Variants in FAM193A observed in about 807,000 individuals in gnomAD.
FAM193A encodes the protein protein FAM193A.
FAM193A carries 22 observed loss-of-function variants against 126.5 expected under a neutral mutation model. The ratio of observed to expected loss-of-function variants is 0.17; its 90% CI spans 0.12 to 0.25. The LOEUF (loss-of-function observed/expected upper bound fraction) is 0.25, where lower values mean the gene tolerates loss of function less well. FAM193A is among the 10% of genes least tolerant of loss of function. The pLI is 1.00. For missense variants in FAM193A, 1,675 were observed against 1,672.8 expected (o/e 1.00, Z -0.02); for synonymous variants, 761 against 646.8 (o/e 1.18, Z -2.68).
intron 1 of FAM193A, among the ~76,000 whole-genome samples, chr4:2,582,869 A>C (rs138921983): frequency 1.1e-4 from 17 of 152,026 alleles, no homozygotes; most frequent in Non-Finnish European, 2.4e-4. Flanking sequence ...TTCTTCTCCC[A>C]GTTGTATTCT....
chr4:2,610,609 C>T (rs889827150), intron 2 of FAM193A, among the ~76,000 whole-genome samples: 7 of 152,124 alleles, frequency 4.6e-5, no homozygotes, highest in Admixed American at 3.3e-4. Flanking sequence ...ATAGTTAATT[C>T]CTTTTATTTC....
At chr4:2,545,825 G>T (rs1302746984) in intron 1 of FAM193A, among the ~76,000 whole-genome samples, 1 of 152,100 alleles carries the variant, frequency 6.6e-6, no homozygotes, top group African/African-American at 2.4e-5. Flanking sequence ...GGGACTACAG[G>T]TGTGCACCAC....
chr4:2,598,124 C>G (rs1740975108), intron 2 of FAM193A, among the ~76,000 whole-genome samples: 1 of 152,202 alleles, frequency 6.6e-6, no homozygotes, highest in South Asian at 2.1e-4. Flanking sequence ...ATTATGGTCT[C>G]GATCGTGATC....
chr4:2,587,673 A>G (rs1172366844), intron 1 of FAM193A, among the ~76,000 whole-genome samples: 1 of 152,180 alleles, frequency 6.6e-6, no homozygotes, highest in East Asian at 1.9e-4. Context: ...CAGCCTAGGC[A>G]ACAGAGTGAC....
chr4:2,648,359 G>T (rs1577132966), intron 7 of FAM193A, among the ~76,000 whole-genome samples: 1 of 152,168 alleles, frequency 6.6e-6, no homozygotes, highest in East Asian at 1.9e-4. Context: ...GGTGAGGAGG[G>T]GCCTCAGAGA....
At chr4:2,590,096 C>CT (rs1229329499) in intron 1 of FAM193A, among the ~76,000 whole-genome samples, 2 of 148,200 alleles carry the variant, frequency 1.3e-5, no homozygotes, top group Non-Finnish European at 3.0e-5. Context: ...GATCACGCCA[C>CT]TGCACTCCAG....
chr4:2,571,956 G>T (rs183561789), intron 1 of FAM193A, among the ~76,000 whole-genome samples: 120 of 151,426 alleles, frequency 7.9e-4, no homozygotes, highest in Non-Finnish European at 9.9e-4. Flanking sequence ...ATGAGGTCAG[G>T]AGATCAAGAC....
At chr4:2,664,556 T>TCC (rs1712872087) in intron 12 of FAM193A, among the ~76,000 whole-genome samples, 2 of 136,912 alleles carry the variant, frequency 1.5e-5, no homozygotes, top group Non-Finnish European at 3.1e-5. Context: ...TCTATTTTCT[T>TCC]TCTTTTTTTT....
At chr4:2,583,883 G>T (rs999374105) in intron 1 of FAM193A, among the ~76,000 whole-genome samples, 1 of 152,168 alleles carries the variant, frequency 6.6e-6, no homozygotes, top group African/African-American at 2.4e-5. Flanking sequence ...TGCACTGTAA[G>T]GTTGAGCATT....
intron 1 of FAM193A, among the ~76,000 whole-genome samples, chr4:2,551,673 C>G (rs915149282): frequency 6.6e-6 from 1 of 151,952 alleles, no homozygotes; most frequent in African/African-American, 2.4e-5. Flanking sequence ...TTTTATTCTT[C>G]CTTGCCAGTC....
chr4:2,603,885 C>G (rs1387699113), intron 2 of FAM193A, among the ~76,000 whole-genome samples: 1 of 152,104 alleles, frequency 6.6e-6, no homozygotes, highest in Non-Finnish European at 1.5e-5. Context: ...CTCTGTCACC[C>G]AGGCTGGAGT....
At chr4:2,535,955 G>A (rs988224249), upstream of FAM193A, among the ~76,000 whole-genome samples, 9 of 152,128 alleles carry the variant, frequency 5.9e-5, no homozygotes, top group African/African-American at 2.2e-4. Context: ...CCACCGCACC[G>A]CGCCCGGCTT....
At chr4:2,557,391 G>A (rs1738326156) in intron 1 of FAM193A, among the ~76,000 whole-genome samples, 1 of 152,070 alleles carries the variant, frequency 6.6e-6, no homozygotes, top group Non-Finnish European at 1.5e-5. Context: ...GCGAACCTTG[G>A]TATATTTGTC....
intron 1 of FAM193A, among the ~76,000 whole-genome samples, chr4:2,590,496 CAAAA>C (rs780957903): frequency 0.096 from 4,415 of 45,800 alleles, 907 homozygotes; most frequent in Middle Eastern, 0.14. Context: ...CAAAAAAAAA[CAAAA>C]AAAAACAAAA....
intron 1 of FAM193A, among the ~76,000 whole-genome samples, chr4:2,585,596 A>AT (rs1217852325): frequency 6.6e-6 from 1 of 150,852 alleles, no homozygotes; most frequent in African/African-American, 2.4e-5. Flanking sequence ...TTTTTTTGTC[A>AT]TTTTTTTCAT....
intron 13 of FAM193A, among the ~76,000 whole-genome samples, chr4:2,687,771 C>T (rs558872751): frequency 1.3e-4 from 20 of 152,354 alleles, no homozygotes; most frequent in African/African-American, 4.8e-4. Flanking sequence ...CAAATCATCT[C>T]ACTCTGCTGT....
intron 12 of FAM193A, among the ~76,000 whole-genome samples, chr4:2,667,929 G>C (rs1713311807): frequency 6.6e-6 from 1 of 152,024 alleles, no homozygotes; most frequent in African/African-American, 2.4e-5. Flanking sequence ...TTAGAGACAG[G>C]GTCTTGCTCT....
intron 19 of FAM193A, among the ~76,000 whole-genome samples, chr4:2,701,383 T>C (rs1337618490): frequency 6.6e-6 from 1 of 152,084 alleles, no homozygotes; most frequent in Non-Finnish European, 1.5e-5. Flanking sequence ...TTGGATCGGT[T>C]TCTCTGTTTT....
chr4:2,623,508 G>A (rs1309649557), intron 2 of FAM193A, among the ~76,000 whole-genome samples: 2 of 152,224 alleles, frequency 1.3e-5, no homozygotes, highest in Non-Finnish European at 2.9e-5. Flanking sequence ...ACTTAGCAAC[G>A]CTCAGGCTTT....
Sources: allele counts gnomAD v4.1 joint callset (sites outside exome capture counted in the v4.1 genomes callset), GRCh38; gene constraint gnomAD v4.1.1; transcripts MANE v1.5; gene names NCBI Gene and HGNC (gene_info 2026-07-23, HGNC 2026-07-21).